PAX5: variants seen among roughly 807,000 people sequenced by gnomAD.
PAX5 encodes paired box protein Pax-5.
PAX5 carries 9 observed loss-of-function variants against 43.7 expected under a neutral mutation model. The observed-to-expected ratio is 0.21, with a 90% CI of 0.12 to 0.36. The LOEUF (loss-of-function observed/expected upper bound fraction) is 0.36. Among genes scored for constraint, PAX5 ranks in the 10% least tolerant of loss-of-function variants. PAX5 has a pLI of 1.00. For synonymous variants in PAX5, 228 were observed against 214.3 expected (o/e 1.06, Z -0.56); for missense variants, 383 against 532.7 (o/e 0.72, Z 2.77).
At chr9:37,026,099 C>A (rs1840333092) in intron 1 of PAX5, among the ~76,000 whole-genome samples, 1 of 152,260 alleles carries the variant, frequency 6.6e-6, no homozygotes. Flanking sequence ...CCCCACTATC[C>A]CTCCAAGCGC....
chr9:36,949,208 C>A (rs75904904), intron 6 of PAX5, among the ~76,000 whole-genome samples: 4,398 of 150,306 alleles, frequency 0.029, 117 homozygotes, highest in Admixed American at 0.089. Context: ...CCACAGGGGC[C>A]CGCCACCACG....
At chr9:36,981,192 C>CA (rs373521078) in intron 5 of PAX5, among the ~76,000 whole-genome samples, 4 of 149,890 alleles carry the variant, frequency 2.7e-5, no homozygotes, top group Non-Finnish European at 4.4e-5. Flanking sequence ...AAAGCCCCCC[C>CA]CCCCTCAGCC....
At chr9:36,944,176 G>T (rs13294205) in intron 6 of PAX5, among the ~76,000 whole-genome samples, 109,133 of 151,940 alleles carry the variant, frequency 0.72, 39,995 homozygotes, top group East Asian at 0.8. Flanking sequence ...AAAAAGAGAC[G>T]CTGTCTCAAA....
chr9:37,026,569 T>C (rs1208727396), intron 1 of PAX5: 1 of 1,341,640 alleles, frequency 7.5e-7, no homozygotes, highest in Admixed American at 2.2e-5. Flanking sequence ...TTACAGTGTA[T>C]TTCCATCGGG....
chr9:36,870,429 T>C (rs1010610185), intron 8 of PAX5, among the ~76,000 whole-genome samples: 1 of 152,238 alleles, frequency 6.6e-6, no homozygotes, highest in African/African-American at 2.4e-5. Flanking sequence ...TAGCTATGAA[T>C]ACTCTGCAAC....
chr9:36,864,554 G>A (rs1824624408), intron 8 of PAX5, among the ~76,000 whole-genome samples: 1 of 152,236 alleles, frequency 6.6e-6, no homozygotes. Context: ...GCCCCAGCCG[G>A]ACCCTGAGTC....
intron 8 of PAX5, among the ~76,000 whole-genome samples, chr9:36,860,194 G>A (rs113946208): frequency 0.022 from 3,356 of 151,446 alleles, 42 homozygotes; most frequent in Non-Finnish European, 0.028. Flanking sequence ...AAAATTAGCC[G>A]GGCGTGGTGG....
chr9:36,861,443 C>A (rs1322833392), intron 8 of PAX5: 3 of 146,484 alleles, frequency 2.0e-5, no homozygotes, highest in Non-Finnish European at 4.5e-5. Flanking sequence ...AACAAAGCGT[C>A]CGGCATGCTA....
chr9:36,886,873 C>A (rs1587871231), intron 7 of PAX5, among the ~76,000 whole-genome samples: 1 of 152,178 alleles, frequency 6.6e-6, no homozygotes, highest in Admixed American at 6.5e-5. Context: ...GGGAGAATAA[C>A]CAAGACTTGG....
At chr9:36,934,786 C>A (rs900632533) in intron 6 of PAX5, among the ~76,000 whole-genome samples, 2 of 152,194 alleles carry the variant, frequency 1.3e-5, no homozygotes, top group Non-Finnish European at 2.9e-5. Flanking sequence ...GGGACATCAT[C>A]CCCCAGCTAG....
intron 7 of PAX5, chr9:36,922,995 G>T (rs1250857043): frequency 9.2e-6 from 2 of 217,744 alleles, no homozygotes; most frequent in Admixed American, 5.5e-5. Flanking sequence ...CCTCCTTGAG[G>T]TTGGTGCCCA....
intron 5 of PAX5, among the ~76,000 whole-genome samples, chr9:36,994,419 C>T (rs1412099971): frequency 6.6e-6 from 1 of 152,212 alleles, no homozygotes; most frequent in Non-Finnish European, 1.5e-5. Context: ...TGCTTGGCCA[C>T]TGCCCTAAGT....
chr9:37,012,745 GGT>G (rs2132458177), intron 3 of PAX5, among the ~76,000 whole-genome samples: 1 of 152,254 alleles, frequency 6.6e-6, no homozygotes, highest in Non-Finnish European at 1.5e-5. Flanking sequence ...ACTGTAAGTG[GGT>G]AGGTGGGAGT....
At position 36,955,802 on chromosome 9, in the gene PAX5, TACCC is replaced by T. The variant is rs766418093; in HGVS notation, c.780+10743_780+10746del. On this transcript the variant is annotated intron_variant, in intron 6 of 9. Coordinates refer to ENST00000358127, the MANE Select transcript of PAX5 (RefSeq NM_016734.3). ...AAAAAAATATATATATATATATATA[TACCC>T]ACACACACATATATATATAATGCTT... 3.4e-3 allele frequency among the ~76,000 whole-genome samples: 401 copies of T among 116,548 alleles called. 2 individuals carry two copies. Among genetic ancestry groups the T allele is most frequent in the African/African-American group, 0.013 (351 of 27,372 alleles). 76.5% of individuals were successfully genotyped at this position (116,548 alleles called of 152,430 possible). A position where few individuals can be genotyped will look rare whatever the true frequency, so the allele number is the denominator to read the frequency against.
rs1339665848 is a variant in PAX5, at chr9:36,935,028, G to A, written c.781-11544C>T. On this transcript the variant is annotated intron_variant, in intron 6 of 9. Transcript: ENST00000358127. ...TCATCAGAGGTTGCCACGGACATGGGCCAAACACGCTCTTTATTCATTTGT... is the reference window on the plus strand; with the variant it reads ...TCATCAGAGGTTGCCACGGACATGGACCAAACACGCTCTTTATTCATTTGT... Among the ~76,000 whole-genome samples the A allele has an allele frequency of 2.0e-5, 3 of 152,208 alleles. No individual in the cohort carries two copies. The East Asian group carries it at 5.8e-4, about 29-fold the overall frequency.
At chr9:36,987,316 C>T (rs1053471106) in intron 5 of PAX5, among the ~76,000 whole-genome samples, 59 of 152,250 alleles carry the variant, frequency 3.9e-4, no homozygotes, top group Non-Finnish European at 6.2e-4. Context: ...GTATATAGTC[C>T]CCATTTTACA....
At chr9:36,934,688 T>G (rs1442564847) in intron 6 of PAX5, among the ~76,000 whole-genome samples, 2 of 152,190 alleles carry the variant, frequency 1.3e-5, no homozygotes, top group African/African-American at 4.8e-5. Context: ...CCCTCATGGA[T>G]TCCCCCTTCT....
chr9:37,029,743 G>A (rs1427983466), intron 1 of PAX5, among the ~76,000 whole-genome samples: 1 of 152,162 alleles, frequency 6.6e-6, no homozygotes, highest in Non-Finnish European at 1.5e-5. Context: ...CCCACCCCCA[G>A]CCTCTCTTGC....
At position 36,835,524 on chromosome 9, in the gene PAX5, C is replaced by T. The variant is rs1471532919; in HGVS notation, c.*5036G>A. 1.7e-5 allele frequency: 4 copies of T among 232,982 alleles called. No individual in the cohort carries two copies. The highest frequency in any genetic ancestry group is 2.5e-5 in the Non-Finnish European group (3 of 117,944). 14.4% of individuals were successfully genotyped at this position (232,982 alleles called of 1,614,324 possible). Reference sequence around the variant, plus strand: ...GCACTGTGGTTCCCCCATGAATATGCAAGAGGGAACCCTGAGGTTTGGGGC... The same window carrying T: ...GCACTGTGGTTCCCCCATGAATATGTAAGAGGGAACCCTGAGGTTTGGGGC... On this transcript the variant is annotated 3_prime_UTR_variant, in exon 10 of 10. Transcript: ENST00000358127.
Sources: gnomAD v4.1 joint callset for allele counts (sites outside exome capture counted in the v4.1 genomes callset) on GRCh38, gnomAD v4.1.1 for gene constraint, MANE v1.5 for transcripts, NCBI Gene and HGNC (gene_info 2026-07-23, HGNC 2026-07-21) for gene names.